HK1: variants seen among roughly 807,000 people sequenced by gnomAD.
HK1 encodes hexokinase-1.
HK1 carries 28 observed loss-of-function variants against 91.6 expected under a neutral mutation model. The ratio of observed to expected loss-of-function variants is 0.31; its 90% CI spans 0.23 to 0.42. The LOEUF (loss-of-function observed/expected upper bound fraction) is 0.42, where lower values mean the gene tolerates loss of function less well. Ranked by LOEUF, HK1 falls within the 10% of genes least tolerant of loss-of-function variation. HK1 has a pLI of 1.00. For missense variants in HK1, 770 were observed against 1,219.8 expected (o/e 0.63, Z 5.49); for synonymous variants, 430 against 468.1 (o/e 0.92, Z 1.05).
At chr10:69,276,110 A>ATATATAT (rs1564746728) in intron 1 of HK1, among the ~76,000 whole-genome samples, 29 of 45,504 alleles carry the variant, frequency 6.4e-4, no homozygotes, top group Non-Finnish European at 5.6e-4. Flanking sequence ...AAAAAAAAAA[A>ATATATAT]AAAAAAAAAT....
At chr10:69,289,979 C>A (rs1290705554) in intron 3 of HK1, among the ~76,000 whole-genome samples, 1 of 151,960 alleles carries the variant, frequency 6.6e-6, no homozygotes, top group Admixed American at 6.6e-5. Context: ...TTGAAATAAA[C>A]CCTGGAAAAT....
rs1327472844 is a variant in HK1 at position 69,364,989 on chromosome 10, TG to T, written c.495+88del. The T allele has an allele frequency of 2.0e-6, 3 of 1,487,986 alleles. No homozygotes were observed. In the African/African-American group the frequency reaches 4.1e-5, roughly 21 times the overall value. 92.2% of individuals were successfully genotyped at this position (1,487,986 alleles called of 1,614,324 possible). On this transcript the variant is annotated intron_variant, in intron 4 of 17. Transcript: ENST00000359426. ...CCTTTTCTCCACAACTTTTCCCCTT[TG>T]TTGGCAGAATGGTTTGCATGTCTGG...
At chr10:69,370,927 A>T (rs996897977) in intron 7 of HK1, among the ~76,000 whole-genome samples, 5 of 152,102 alleles carry the variant, frequency 3.3e-5, no homozygotes, top group African/African-American at 4.8e-5. Flanking sequence ...GCTCTCTCTG[A>T]TCTACCCAGC....
intron 15 of HK1, among the ~76,000 whole-genome samples, chr10:69,392,672 C>T (rs1340305699): frequency 1.1e-4 from 16 of 152,140 alleles, no homozygotes; most frequent in African/African-American, 4.8e-5. Context: ...GAGGCCCTGT[C>T]GCAATCGTCC....
At chr10:69,377,210 G>A (rs890301635) in intron 8 of HK1, 121 bp downstream of exon 8, 2 of 1,174,860 alleles carry the variant, frequency 1.7e-6, no homozygotes, top group South Asian at 2.7e-5. Context: ...TGGCTTTCTG[G>A]GTCCGTGTCC....
chr10:69,386,479 A>C, intron 13 of HK1, 61 bp downstream of exon 13: 1 of 1,354,122 alleles, frequency 7.4e-7, no homozygotes, highest in African/African-American at 1.4e-5. Flanking sequence ...TAAAAAGTGT[A>C]TTTGCCTGTT....
chr10:69,388,734 G>T (rs1378275280), intron 13 of HK1, among the ~76,000 whole-genome samples: 1 of 152,112 alleles, frequency 6.6e-6, no homozygotes, highest in South Asian at 2.1e-4. Context: ...ATCTTCACTT[G>T]GATTGTTTCC....
chr10:69,315,970 A>C (rs751822340), upstream of HK1: 9 of 1,614,098 alleles, frequency 5.6e-6, no homozygotes, highest in African/African-American at 9.3e-5. Context: ...CTGTGAGCAC[A>C]GCCTGAGTTT....
At chr10:69,306,481 G>T (rs1020419370) in intron 5 of HK1, among the ~76,000 whole-genome samples, 9 of 152,176 alleles carry the variant, frequency 5.9e-5, no homozygotes, top group Admixed American at 5.9e-4. Context: ...GAGACAAGGG[G>T]TTGCATTCTT....
chr10:69,320,109 T>C (rs4072508), intron 1 of HK1, among the ~76,000 whole-genome samples: 51,350 of 151,976 alleles, frequency 0.34, 9,620 homozygotes, highest in East Asian at 0.73. Flanking sequence ...GCATCTAAGA[T>C]GACTCCCTCA....
chr10:69,311,056 C>CAAA (rs35246952), upstream of HK1, among the ~76,000 whole-genome samples: 989 of 133,804 alleles, frequency 7.4e-3, 15 homozygotes, highest in African/African-American at 0.025. Context: ...GACTCCGTCT[C>CAAA]AAAAAAAAAA....
chr10:69,395,138 A>G (rs749243123), intron 16 of HK1, 33 bp downstream of exon 16: 2 of 1,608,488 alleles, frequency 1.2e-6, no homozygotes, highest in Admixed American at 3.4e-5. Context: ...GCCAGCGCCC[A>G]CCCTTCAGAG....
intron 5 of HK1, among the ~76,000 whole-genome samples, chr10:69,303,441 G>A (rs765043049): frequency 4.6e-5 from 7 of 151,090 alleles, no homozygotes; most frequent in Admixed American, 1.3e-4. Context: ...TGCAGAGCTG[G>A]CTGTGTGGGA....
At chr10:69,344,014 AC>A in intron 2 of HK1, 25 bp downstream of exon 2, 1 of 1,611,476 alleles carries the variant, frequency 6.2e-7, no homozygotes, top group Non-Finnish European at 8.5e-7. Flanking sequence ...CAGAGATTGA[AC>A]CCTGAGGGCT....
At chr10:69,275,597 G>A (rs181153366) in intron 1 of HK1, among the ~76,000 whole-genome samples, 17 of 152,216 alleles carry the variant, frequency 1.1e-4, no homozygotes, top group African/African-American at 4.1e-4. Context: ...AGGAGCCATA[G>A]ACAACATGTA....
intron 13 of HK1, among the ~76,000 whole-genome samples, chr10:69,388,260 T>C (rs1839739553): frequency 6.6e-6 from 1 of 152,102 alleles, no homozygotes; most frequent in East Asian, 1.9e-4. Context: ...GGTAACGTAG[T>C]AAGACCCCGT....
At chr10:69,352,508 A>G (rs2132723726) in intron 2 of HK1, among the ~76,000 whole-genome samples, 1 of 152,306 alleles carries the variant, frequency 6.6e-6, no homozygotes, top group East Asian at 1.9e-4. Context: ...TTCATGTGAT[A>G]TATACATATA....
intron 2 of HK1, among the ~76,000 whole-genome samples, chr10:69,351,999 T>G (rs1256908795): frequency 6.6e-6 from 1 of 151,520 alleles, no homozygotes; most frequent in Non-Finnish European, 1.5e-5. Flanking sequence ...ATTTCAATTT[T>G]TTTTTTTTTT....
intron 1 of HK1, among the ~76,000 whole-genome samples, chr10:69,340,324 G>A (rs1267669265): frequency 6.6e-6 from 1 of 152,198 alleles, no homozygotes; most frequent in African/African-American, 2.4e-5. Context: ...TTGGCTGACT[G>A]CAATCTTCTC....
Sources: allele counts gnomAD v4.1 joint callset (sites outside exome capture counted in the v4.1 genomes callset), GRCh38; gene constraint gnomAD v4.1.1; transcripts MANE v1.5; gene names NCBI Gene and HGNC (gene_info 2026-07-23, HGNC 2026-07-21).